The following ALCAM variants were observed in gnomAD, a reference collection of about 807,000 sequenced individuals.
ALCAM encodes activated leukocyte cell adhesion molecule, also known as CD166 antigen.
A neutral mutation model predicts 70.9 loss-of-function variants in ALCAM; 30 were observed. The ratio of observed to expected loss-of-function variants is 0.42; its 90% confidence interval spans 0.32 to 0.57. The LOEUF is 0.57. ALCAM is among the 20% of genes least tolerant of loss of function. The pLI is 0.11. For synonymous variants in ALCAM, 249 were observed against 242.5 expected, an observed-to-expected ratio of 1.03 and a Z score of -0.25; for missense variants, 591 against 695.1, an observed-to-expected ratio of 0.85 and a Z score of 1.68.
intron 1 of ALCAM, among the ~76,000 whole-genome samples, chr3:105,402,111 G>T (rs1375543983): frequency 6.6e-6 from 1 of 152,062 alleles, no homozygotes; most frequent in Non-Finnish European, 1.5e-5. Context: ...GTCAAGATAA[G>T]GCTTATACAG....
chr3:105,497,314 C>T (rs1247695629), intron 1 of ALCAM, among the ~76,000 whole-genome samples: 1 of 152,112 alleles, frequency 6.6e-6, no homozygotes, highest in East Asian at 1.9e-4. Context: ...TGATAAGGAA[C>T]TTTAAGTTCT....
chr3:105,572,230 C>A (rs1317283804), intron 15 of ALCAM, among the ~76,000 whole-genome samples: 2 of 152,140 alleles, frequency 1.3e-5, no homozygotes, highest in Non-Finnish European at 2.9e-5. Flanking sequence ...GCGTCCCTCC[C>A]CTAGCCCCCC....
intron 1 of ALCAM, among the ~76,000 whole-genome samples, chr3:105,396,741 T>C (rs1421548352): frequency 2.0e-5 from 3 of 152,038 alleles, no homozygotes; most frequent in African/African-American, 4.8e-5. Context: ...ACTCTGCAAG[T>C]AGTATTTAGG....
intron 1 of ALCAM, among the ~76,000 whole-genome samples, chr3:105,445,340 T>C (rs1337564970): frequency 1.3e-5 from 2 of 151,792 alleles, no homozygotes; most frequent in Non-Finnish European, 2.9e-5. Flanking sequence ...AAGACACAAA[T>C]AAATGGAAAG....
chr3:105,409,851 T>C (rs1256285091), intron 1 of ALCAM, among the ~76,000 whole-genome samples: 5 of 152,094 alleles, frequency 3.3e-5, no homozygotes, highest in Admixed American at 2.6e-4. Flanking sequence ...AGAGATGTTT[T>C]ATATTCACAC....
chr3:105,518,282 G>A (rs2152622145), intron 1 of ALCAM, among the ~76,000 whole-genome samples: 1 of 152,130 alleles, frequency 6.6e-6, no homozygotes, highest in East Asian at 1.9e-4. Flanking sequence ...CATAAATTAA[G>A]GTATAGAGAT....
chr3:105,552,500 A>G lies in ALCAM; in HGVS notation c.1579A>G (p.Lys527Glu). 1 of 1,611,822 alleles carries G rather than the reference A, an allele frequency of 6.2e-7. No homozygotes were observed. The highest frequency in any genetic ancestry group is 8.5e-7 in the Non-Finnish European group (1 of 1,178,388). ...CAGAGAAAAGGTGAATGACCAGGCAAAACTAATTGTGGGAATCGTTGTTGG... is the reference window on the plus strand; with the variant it reads ...CAGAGAAAAGGTGAATGACCAGGCAGAACTAATTGTGGGAATCGTTGTTGG... ...ENREKVNDQAKLIVGIVVGLL... is the reference protein window; with the variant it reads ...ENREKVNDQAELIVGIVVGLL... The change falls in exon 14 of 16, where the codon AAA (lysine) becomes GAA (glutamate). Residue 527 changes from lysine (K) to glutamate (E), a missense_variant. This residue lies in a region of ALCAM where 164 missense variants were observed against 244.7 expected (regional missense o/e 0.67). Transcript: ENST00000306107.
At chr3:105,404,936 T>C (rs1936183744) in intron 1 of ALCAM, among the ~76,000 whole-genome samples, 1 of 152,060 alleles carries the variant, frequency 6.6e-6, no homozygotes, top group South Asian at 2.1e-4. Flanking sequence ...CAGGATTAGC[T>C]GTTCTTATGT....
chr3:105,450,118 A>G (rs972344169), intron 1 of ALCAM, among the ~76,000 whole-genome samples: 3 of 152,184 alleles, frequency 2.0e-5, no homozygotes, highest in African/African-American at 4.8e-5. Context: ...TAATAGTTCC[A>G]TGAAAACTTA....
intron 3 of ALCAM, chr3:105,525,129 T>A: frequency 3.1e-6 from 3 of 982,048 alleles, no homozygotes; most frequent in Non-Finnish European, 3.6e-6. Flanking sequence ...CAAAAAGTAT[T>A]CACTTGCTTT....
intron 1 of ALCAM, among the ~76,000 whole-genome samples, chr3:105,494,199 T>C (rs1195391645): frequency 1.3e-5 from 2 of 152,200 alleles, no homozygotes; most frequent in East Asian, 3.9e-4. Context: ...AAAGCTATTA[T>C]ATACTTTGTG....
At chr3:105,497,767 C>A (rs1215016446) in intron 1 of ALCAM, among the ~76,000 whole-genome samples, 2 of 152,108 alleles carry the variant, frequency 1.3e-5, no homozygotes, top group South Asian at 2.1e-4. Context: ...TGAGGTCGCT[C>A]ACGCCTGTAA....
At chr3:105,564,884 A>T (rs1364251619) in intron 14 of ALCAM, among the ~76,000 whole-genome samples, 2 of 152,184 alleles carry the variant, frequency 1.3e-5, no homozygotes, top group African/African-American at 2.4e-5. Flanking sequence ...TGTCCCTACT[A>T]AAAATACAAA....
intron 6 of ALCAM, among the ~76,000 whole-genome samples, chr3:105,537,215 T>C (rs1696484765): frequency 6.6e-6 from 1 of 152,132 alleles, no homozygotes; most frequent in Non-Finnish European, 1.5e-5. Flanking sequence ...TGTTTTGATC[T>C]GATTTCTGCC....
chr3:105,477,497 G>C (rs1938152573), intron 1 of ALCAM, among the ~76,000 whole-genome samples: 1 of 151,924 alleles, frequency 6.6e-6, no homozygotes, highest in Non-Finnish European at 1.5e-5. Flanking sequence ...TATGTAATAG[G>C]TCAATTTTCT....
intron 1 of ALCAM, among the ~76,000 whole-genome samples, chr3:105,487,963 G>A (rs1938476828): frequency 6.6e-6 from 1 of 152,162 alleles, no homozygotes; most frequent in Admixed American, 6.5e-5. Flanking sequence ...GATCTCCAAT[G>A]TCGGAAGTGG....
At chr3:105,543,034 T>G (rs1940161200) in intron 8 of ALCAM, among the ~76,000 whole-genome samples, 1 of 151,776 alleles carries the variant, frequency 6.6e-6, no homozygotes, top group South Asian at 2.1e-4. Context: ...ATATGTGGAA[T>G]AGCTAGCTCT....
chr3:105,576,162 T>C lies in ALCAM; in HGVS notation c.*1711T>C, dbSNP rs1363855087. On this transcript the variant is annotated 3_prime_UTR_variant, in exon 16 of 16. Transcript: ENST00000306107. ...ACGTTATTTTGCCTCTAAACTTTTATTGAAGTTTTATTTGGCAGGAAAAAA... is the reference window on the plus strand; with the variant it reads ...ACGTTATTTTGCCTCTAAACTTTTACTGAAGTTTTATTTGGCAGGAAAAAA... 6 of 152,600 alleles carry C rather than the reference T, an allele frequency of 3.9e-5. No individual in the cohort carries two copies. Among genetic ancestry groups the C allele is most frequent in the Non-Finnish European group, 8.8e-5 (6 of 68,020 alleles). The allele number at this position is 152,600 out of a possible 1,614,324, so 9.5% of individuals were successfully genotyped here.
chr3:105,492,265 C>T (rs766552191), intron 1 of ALCAM, among the ~76,000 whole-genome samples: 23 of 152,142 alleles, frequency 1.5e-4, no homozygotes, highest in Admixed American at 2.0e-4. Flanking sequence ...TACTTCCCAC[C>T]GGGTCCCTCC....
Sources: gnomAD v4.1 joint callset for allele counts (sites outside exome capture counted in the v4.1 genomes callset) on GRCh38, gnomAD v4.1.1 for gene constraint, gnomAD v4.1.1 regional missense constraint, MANE v1.5 for transcripts, NCBI Gene and HGNC (gene_info 2026-07-23, HGNC 2026-07-21) for gene names.